Variants in NPY2R observed in about 807,000 individuals in gnomAD.
NPY2R encodes the protein neuropeptide Y receptor Y2.
NPY2R carries 17 observed loss-of-function variants against 22.3 expected under a neutral mutation model. The observed-to-expected ratio is 0.76, with a 90% CI of 0.52 to 1.14. The LOEUF (loss-of-function observed/expected upper bound fraction) is 1.14. Among genes scored for constraint, NPY2R ranks in the 50% most tolerant of loss-of-function variants. The probability of loss-of-function intolerance (pLI) is 0.00; values close to 1 mark genes in which losing one functional copy is unlikely to be tolerated. For missense variants in NPY2R, 424 were observed against 467.9 expected, an observed-to-expected ratio of 0.91 and a Z score of 0.87; for synonymous variants, 209 against 183.4, an observed-to-expected ratio of 1.14 and a Z score of -1.13.
At chr4:155,213,703 G>A in intron 1 of NPY2R, among the ~76,000 whole-genome samples, 189 bp from the exon 2 acceptor site, 1 of 152,192 alleles carries the variant, frequency 6.6e-6, no homozygotes, top group African/African-American at 2.4e-5. Flanking sequence ...TTTGACAATA[G>A]ACTTATTAAA....
upstream of NPY2R, among the ~76,000 whole-genome samples, chr4:155,205,004 G>A (rs554444738): frequency 3.3e-5 from 5 of 152,058 alleles, no homozygotes; most frequent in African/African-American, 7.2e-5. Flanking sequence ...TTTCACATCC[G>A]CAAACACTGT....
the NPY2R span, among the ~76,000 whole-genome samples, chr4:155,181,399 G>A: frequency 6.6e-5 from 10 of 152,118 alleles, no homozygotes; most frequent in South Asian, 1.7e-3. Flanking sequence ...AATAAACGTT[G>A]GAATACATAT....
the NPY2R span, among the ~76,000 whole-genome samples, chr4:155,174,924 A>C: frequency 6.6e-6 from 1 of 152,118 alleles, no homozygotes; most frequent in African/African-American, 2.4e-5. Context: ...CAAGGATGTA[A>C]AATCGCATTT....
At chr4:155,201,437 G>A in the NPY2R span, among the ~76,000 whole-genome samples, 2 of 152,128 alleles carry the variant, frequency 1.3e-5, no homozygotes, top group African/African-American at 4.8e-5. Flanking sequence ...CAGGAGCCAG[G>A]ACATGTGAGT....
At chr4:155,199,460 G>C in the NPY2R span, among the ~76,000 whole-genome samples, 6 of 151,636 alleles carry the variant, frequency 4.0e-5, 1 homozygote, top group Admixed American at 3.9e-4. Flanking sequence ...TTATAGATTC[G>C]ATGCTATTCC....
At chr4:155,209,977 T>C (rs1461059126) in intron 1 of NPY2R, among the ~76,000 whole-genome samples, 1 of 152,226 alleles carries the variant, frequency 6.6e-6, no homozygotes, top group East Asian at 1.9e-4. Context: ...ACTCTTTTCC[T>C]ATTCTGCAAA....
At position 155,216,952 on chromosome 4, in the gene NPY2R, AAATTATTAGAATCC is replaced by A. The variant is rs1344769902; in HGVS notation, c.*1873_*1886del. On this transcript the variant is annotated 3_prime_UTR_variant, in exon 2 of 2. Transcript: ENST00000329476. ...CTACTGTGTTACATGTTGTATTAGT[AAATTATTAGAATCC>A]AATTAATGATTCAATTAACATATAT... 4.2e-5 allele frequency: 7 copies of A among 167,068 alleles called. No homozygotes were observed. The highest frequency in any genetic ancestry group is 2.6e-4 in the Admixed American group (4 of 15,282). The allele number at this position is 167,068 out of a possible 1,614,324, so 10.3% of individuals were successfully genotyped here.
the NPY2R span, among the ~76,000 whole-genome samples, chr4:155,198,929 G>C: frequency 6.6e-6 from 1 of 151,810 alleles, no homozygotes; most frequent in African/African-American, 2.4e-5. Context: ...TATTGAAATT[G>C]GTTACTAGGA....
the NPY2R span, among the ~76,000 whole-genome samples, chr4:155,197,713 G>T: frequency 1.3e-5 from 2 of 151,918 alleles, no homozygotes; most frequent in Non-Finnish European, 2.9e-5. Context: ...TAAATTAAAT[G>T]GTTTCTCCAT....
At chr4:155,186,246 T>C in the NPY2R span, among the ~76,000 whole-genome samples, 10 of 152,198 alleles carry the variant, frequency 6.6e-5, no homozygotes, top group African/African-American at 2.2e-4. Context: ...TAAAACAATT[T>C]GTCAGACTTG....
chr4:155,180,589 C>T, the NPY2R span, among the ~76,000 whole-genome samples: 14 of 152,030 alleles, frequency 9.2e-5, no homozygotes, highest in African/African-American at 3.4e-4. Flanking sequence ...CAGTTTTATC[C>T]TTCTGACTAT....
chr4:155,207,988 T>A (rs1408200719), upstream of NPY2R: 3 of 152,298 alleles, frequency 2.0e-5, no homozygotes, highest in Admixed American at 1.3e-4. Context: ...TTAGGGAAAT[T>A]GCTGATCATG....
At chr4:155,189,746 G>A in the NPY2R span, among the ~76,000 whole-genome samples, 1 of 151,930 alleles carries the variant, frequency 6.6e-6, no homozygotes, top group Admixed American at 6.6e-5. Flanking sequence ...ACCAGGAGTA[G>A]GGACCCTACT....
the NPY2R span, among the ~76,000 whole-genome samples, chr4:155,186,004 C>A: frequency 6.6e-6 from 1 of 152,010 alleles, no homozygotes; most frequent in Admixed American, 6.6e-5. Context: ...TTAACAAGAC[C>A]AGAAAGTATC....
the NPY2R span, among the ~76,000 whole-genome samples, chr4:155,190,440 A>T: frequency 2.6e-5 from 4 of 152,000 alleles, no homozygotes; most frequent in Admixed American, 2.6e-4. Flanking sequence ...CAGGTAACAC[A>T]GTTTCAAAAC....
At chr4:155,212,434 A>T (rs1011834339) in intron 1 of NPY2R, among the ~76,000 whole-genome samples, 4 of 152,204 alleles carry the variant, frequency 2.6e-5, no homozygotes, top group Non-Finnish European at 5.9e-5. Context: ...CAGAGTAGGC[A>T]TTGTCCAGTA....
intron 1 of NPY2R, among the ~76,000 whole-genome samples, chr4:155,211,101 AC>A (rs2111039351): frequency 6.6e-6 from 1 of 152,264 alleles, no homozygotes; most frequent in South Asian, 2.1e-4. Context: ...TCAAAATTAT[AC>A]TTTCCATTTG....
Position 155,214,118 on chromosome 4 carries a change from T to C in NPY2R, c.179T>C (p.Ile60Thr). ...GTTCTCATATTGGCCTACTGCTCCA[T>C]CATCTTGCTTGGGGTAATTGGCAAC... is the stretch of plus-strand genomic sequence containing the variant. ...QVVLILAYCS[I>T]ILLGVIGNSL... The change falls in exon 2 of 2, where the codon ATC (isoleucine) becomes ACC (threonine). Residue 60 changes from isoleucine (I) to threonine (T), a missense_variant. Transcript: ENST00000329476. The C allele has an allele frequency of 6.2e-7, 1 of 1,613,996 alleles. No individual in the cohort carries two copies. The highest frequency in any genetic ancestry group is 8.5e-7 in the Non-Finnish European group (1 of 1,179,838).
chr4:155,202,282 T>TAAAACA, the NPY2R span, among the ~76,000 whole-genome samples: 36 of 152,144 alleles, frequency 2.4e-4, no homozygotes, highest in African/African-American at 5.3e-4. Context: ...AAGATTCATT[T>TAAAACA]AAAACAAAAA....
Sources: allele counts gnomAD v4.1 joint callset (sites outside exome capture counted in the v4.1 genomes callset), GRCh38; gene constraint gnomAD v4.1.1; transcripts MANE v1.5; gene names NCBI Gene and HGNC (gene_info 2026-07-23, HGNC 2026-07-21).